KALRN: variants seen among roughly 807,000 people sequenced by gnomAD.
KALRN encodes kalirin.
KALRN carries 70 observed loss-of-function variants against 353.7 expected under a neutral mutation model. That is an observed-to-expected ratio of 0.20 (90% CI 0.16 to 0.24). The LOEUF (loss-of-function observed/expected upper bound fraction) is 0.24, where lower values mean the gene tolerates loss of function less well. KALRN is among the 10% of genes least tolerant of loss of function. The probability of loss-of-function intolerance (pLI) is 1.00; values close to 1 mark genes in which losing one functional copy is unlikely to be tolerated. For synonymous variants in KALRN, 1,391 were observed against 1,434.8 expected, an observed-to-expected ratio of 0.97 and a Z score of 0.69; for missense variants, 2,791 against 3,756.7, an observed-to-expected ratio of 0.74 and a Z score of 6.72.
chr3:124,062,270 A>C (rs1355893833), intron 1 of KALRN, among the ~76,000 whole-genome samples: 1 of 152,214 alleles, frequency 6.6e-6, no homozygotes, highest in Non-Finnish European at 1.5e-5. Context: ...TAAATGAAGA[A>C]GTTGGACCAG....
At chr3:124,713,162 G>A in intron 58 of KALRN, 27 bp downstream of exon 58, 2 of 1,577,766 alleles carry the variant, frequency 1.3e-6, no homozygotes, top group Non-Finnish European at 1.7e-6. Flanking sequence ...TCTCTCTAAA[G>A]TCGCCTGCAT....
intron 33 of KALRN, among the ~76,000 whole-genome samples, chr3:124,541,404 C>T (rs1261256641): frequency 6.7e-6 from 1 of 150,088 alleles, no homozygotes; most frequent in Non-Finnish European, 1.5e-5. Flanking sequence ...GAGCCGAGAT[C>T]ACGCCACTGC....
At chr3:124,613,310 G>A (rs1261062064) in intron 34 of KALRN, among the ~76,000 whole-genome samples, 5 of 152,114 alleles carry the variant, frequency 3.3e-5, no homozygotes, top group South Asian at 2.1e-4. Context: ...TGCCTTATCC[G>A]TTGGTCTCTG....
intron 1 of KALRN, among the ~76,000 whole-genome samples, chr3:124,072,379 A>G (rs1577782449): frequency 6.6e-6 from 1 of 152,222 alleles, no homozygotes; most frequent in Admixed American, 6.5e-5. Flanking sequence ...TCCTGTTAAT[A>G]AAGCAGATAT....
chr3:124,227,817 G>A (rs889468965), intron 1 of KALRN, among the ~76,000 whole-genome samples, 173 bp from the exon 2 acceptor site: 1 of 151,726 alleles, frequency 6.6e-6, no homozygotes, highest in Non-Finnish European at 1.5e-5. Context: ...GGCATGATGT[G>A]GAAGTATCCC....
At chr3:124,439,669 G>A (rs2093610398) in intron 18 of KALRN, among the ~76,000 whole-genome samples, 1 of 152,156 alleles carries the variant, frequency 6.6e-6, no homozygotes, top group African/African-American at 2.4e-5. Flanking sequence ...CAACACACAT[G>A]ACACTGTTCA....
At chr3:124,467,944 G>A (rs958019063) in intron 25 of KALRN, among the ~76,000 whole-genome samples, 4 of 151,908 alleles carry the variant, frequency 2.6e-5, no homozygotes, top group African/African-American at 4.8e-5. Flanking sequence ...AGGGTGGATA[G>A]GTAGGTAGGG....
intron 33 of KALRN, among the ~76,000 whole-genome samples, chr3:124,532,289 C>A (rs2068108148): frequency 6.6e-6 from 1 of 152,232 alleles, no homozygotes; most frequent in South Asian, 2.1e-4. Flanking sequence ...CTCTAGAAAT[C>A]ACATAGTTAC....
intron 29 of KALRN, among the ~76,000 whole-genome samples, chr3:124,489,132 C>A (rs1313175661): frequency 6.6e-6 from 1 of 152,122 alleles, no homozygotes; most frequent in East Asian, 1.9e-4. Flanking sequence ...CATGGCGAAA[C>A]CCCGTCTCTA....
intron 38 of KALRN, among the ~76,000 whole-genome samples, chr3:124,654,525 G>A (rs1202830084): frequency 1.3e-5 from 2 of 152,202 alleles, no homozygotes; most frequent in African/African-American, 4.8e-5. Flanking sequence ...ATTCCAATCA[G>A]ATTGGAAGAG....
intron 1 of KALRN, among the ~76,000 whole-genome samples, chr3:124,081,979 T>G (rs967569819): frequency 6.6e-6 from 1 of 152,222 alleles, no homozygotes; most frequent in Non-Finnish European, 1.5e-5. Context: ...ATAAGCAGGT[T>G]AATTTCTAAC....
intron 1 of KALRN, among the ~76,000 whole-genome samples, chr3:124,118,868 T>G (rs758148177): frequency 6.6e-6 from 1 of 152,226 alleles, no homozygotes; most frequent in Non-Finnish European, 1.5e-5. Flanking sequence ...CTTGAGTCTT[T>G]CAGCAGTATA....
intron 12 of KALRN, 33 bp downstream of exon 12, chr3:124,395,376 G>A (rs2090021248): frequency 1.3e-6 from 2 of 1,563,042 alleles, no homozygotes; most frequent in Non-Finnish European, 1.7e-6. Context: ...AGTGGGAAAT[G>A]CCTCGGGCTA....
chr3:124,696,885 C>A (rs965854802), intron 54 of KALRN, among the ~76,000 whole-genome samples: 5 of 152,184 alleles, frequency 3.3e-5, no homozygotes, highest in African/African-American at 1.2e-4. Context: ...TTGGCCACCA[C>A]TGCTCTACTT....
At chr3:124,322,161 T>C (rs1280667923) in intron 6 of KALRN, among the ~76,000 whole-genome samples, 1 of 152,184 alleles carries the variant, frequency 6.6e-6, no homozygotes, top group Non-Finnish European at 1.5e-5. Flanking sequence ...GTCCTCACAC[T>C]ACTGGGCAGT....
At chr3:124,465,607 A>G (rs1202828469) in intron 25 of KALRN, among the ~76,000 whole-genome samples, 1 of 152,222 alleles carries the variant, frequency 6.6e-6, no homozygotes, top group Non-Finnish European at 1.5e-5. Context: ...TGGACCATGC[A>G]GTTGTCCTAA....
chr3:124,237,366 CTTT>C (rs551869197), intron 3 of KALRN, among the ~76,000 whole-genome samples: 1 of 135,610 alleles, frequency 7.4e-6, no homozygotes, highest in Non-Finnish European at 1.6e-5. Context: ...TCATTTGATG[CTTT>C]TTTTTTTTTT....
At chr3:124,550,485 A>AT (rs1356723406) in intron 33 of KALRN, among the ~76,000 whole-genome samples, 1 of 151,850 alleles carries the variant, frequency 6.6e-6, no homozygotes, top group East Asian at 1.9e-4. Flanking sequence ...ACTGTATGCA[A>AT]TTTTTTTTGT....
chr3:124,498,466 A>C (rs1018674297), intron 33 of KALRN, among the ~76,000 whole-genome samples: 1 of 152,228 alleles, frequency 6.6e-6, no homozygotes, highest in African/African-American at 2.4e-5. Flanking sequence ...TACTTGTGGA[A>C]TAAATAAATA....
Sources: allele counts gnomAD v4.1 joint callset (sites outside exome capture counted in the v4.1 genomes callset), GRCh38; gene constraint gnomAD v4.1.1; transcripts MANE v1.5; gene names NCBI Gene and HGNC (gene_info 2026-07-23, HGNC 2026-07-21).